SCFD2: variants seen among roughly 807,000 people sequenced by gnomAD.
The protein encoded by SCFD2 is sec1 family domain-containing protein 2.
In SCFD2, 54 loss-of-function variants were observed where a neutral mutation model predicts 58.9. The ratio of observed to expected loss-of-function variants is 0.92; its 90% confidence interval spans 0.74 to 1.15. SCFD2 has a LOEUF of 1.15. Among genes scored for constraint, SCFD2 ranks in the 50% most tolerant of loss-of-function variants. The probability of loss-of-function intolerance (pLI) is 0.00; values close to 1 mark genes in which losing one functional copy is unlikely to be tolerated. For missense variants in SCFD2, 805 were observed against 836.6 expected (o/e 0.96, Z 0.47); for synonymous variants, 321 against 335.9 (o/e 0.96, Z 0.49).
At chr4:52,942,649 G>A (rs999508770) in intron 5 of SCFD2, among the ~76,000 whole-genome samples, 1 of 152,194 alleles carries the variant, frequency 6.6e-6, no homozygotes, top group Admixed American at 6.5e-5. Context: ...CCTTGAAACA[G>A]TGCCTGACAC....
chr4:53,347,877 C>A (rs1469425010), intron 2 of SCFD2, among the ~76,000 whole-genome samples: 2 of 152,192 alleles, frequency 1.3e-5, no homozygotes, highest in Non-Finnish European at 2.9e-5. Context: ...AGCAACACTG[C>A]AGGTGCAGGG....
chr4:53,066,522 A>C (rs1283165920), intron 5 of SCFD2, among the ~76,000 whole-genome samples: 1 of 152,112 alleles, frequency 6.6e-6, no homozygotes, highest in Non-Finnish European at 1.5e-5. Flanking sequence ...GTGAAACAAA[A>C]CATACAAAAA....
intron 5 of SCFD2, among the ~76,000 whole-genome samples, chr4:53,015,389 C>T (rs150738570): frequency 6.6e-6 from 1 of 151,988 alleles, no homozygotes; most frequent in South Asian, 2.1e-4. Context: ...AGCAGCTCTG[C>T]CCTGAAGAAT....
chr4:52,905,013 G>T (rs757619688), intron 7 of SCFD2, among the ~76,000 whole-genome samples: 33 of 152,318 alleles, frequency 2.2e-4, no homozygotes, highest in Non-Finnish European at 4.3e-4. Flanking sequence ...CAGAATGAAT[G>T]GTAAGAACTT....
chr4:53,306,095 T>C (rs560406346), intron 3 of SCFD2, among the ~76,000 whole-genome samples: 35 of 152,300 alleles, frequency 2.3e-4, no homozygotes, highest in African/African-American at 7.5e-4. Flanking sequence ...AATACAATAA[T>C]AGTACAAACA....
intron 5 of SCFD2, among the ~76,000 whole-genome samples, chr4:53,107,446 G>T (rs1725037639): frequency 6.6e-6 from 1 of 152,160 alleles, no homozygotes; most frequent in Non-Finnish European, 1.5e-5. Context: ...TGGATAAAGA[G>T]TCAAGACCCA....
rs1331591601 is a variant in SCFD2 at position 53,207,970 on chromosome 4, T to TC, written c.1312-62389dup. Among the ~76,000 whole-genome samples the TC allele has an allele frequency of 2.5e-3, 362 of 145,008 alleles. 2 individuals carry two copies. Among genetic ancestry groups the TC allele is most frequent in the African/African-American group, 8.6e-3 (347 of 40,208 alleles). The stretch of plus-strand genomic sequence containing the variant: ...CTTTCTTTTCTTTTCTTTTTTTTTT[T>TC]CCCCCCATACAAAGTCTAGCTCTAT... On this transcript the variant is annotated intron_variant, in intron 4 of 8. Transcript: ENST00000401642.
At chr4:52,944,762 T>A (rs1013995450) in intron 5 of SCFD2, among the ~76,000 whole-genome samples, 1 of 152,170 alleles carries the variant, frequency 6.6e-6, no homozygotes, top group African/African-American at 2.4e-5. Flanking sequence ...ATCAGAGACA[T>A]CCCTCTGAGG....
chr4:53,068,825 G>A (rs1372263711), intron 5 of SCFD2, among the ~76,000 whole-genome samples: 1 of 152,008 alleles, frequency 6.6e-6, no homozygotes, highest in Admixed American at 6.6e-5. Flanking sequence ...TTAAAAAACA[G>A]TACTTTGTAG....
At chr4:53,125,287 T>C (rs1394683777) in intron 5 of SCFD2, among the ~76,000 whole-genome samples, 1 of 152,200 alleles carries the variant, frequency 6.6e-6, no homozygotes, top group Non-Finnish European at 1.5e-5. Flanking sequence ...ATAGAGATGG[T>C]CTAAAATTAT....
chr4:53,257,461 T>G (rs1370800666), intron 4 of SCFD2, among the ~76,000 whole-genome samples: 1 of 152,188 alleles, frequency 6.6e-6, no homozygotes, highest in African/African-American at 2.4e-5. Flanking sequence ...AGCCACTTCT[T>G]ATTCCATCAT....
At chr4:53,223,133 T>C (rs565793538) in intron 4 of SCFD2, among the ~76,000 whole-genome samples, 20 of 152,312 alleles carry the variant, frequency 1.3e-4, no homozygotes, top group African/African-American at 4.1e-4. Context: ...ATATAAATCA[T>C]TTTATTTTTA....
At chr4:53,121,836 A>G (rs1375129224) in intron 5 of SCFD2, among the ~76,000 whole-genome samples, 2 of 151,904 alleles carry the variant, frequency 1.3e-5, no homozygotes, top group African/African-American at 4.8e-5. Context: ...TGACTGGTAC[A>G]ATGATTATAG....
At chr4:52,898,978 C>T (rs1577809319) in intron 7 of SCFD2, among the ~76,000 whole-genome samples, 1 of 152,060 alleles carries the variant, frequency 6.6e-6, no homozygotes, top group Non-Finnish European at 1.5e-5. Context: ...CAACCCTTGC[C>T]TTTTTTTGTT....
chr4:52,888,592 C>T (rs1481982683), intron 7 of SCFD2, among the ~76,000 whole-genome samples: 3 of 152,198 alleles, frequency 2.0e-5, no homozygotes, highest in Non-Finnish European at 4.4e-5. Context: ...ATCATCTAAC[C>T]TGACATTTCT....
chr4:52,966,878 T>A (rs1367051455), intron 5 of SCFD2, among the ~76,000 whole-genome samples: 1 of 152,188 alleles, frequency 6.6e-6, no homozygotes, highest in Admixed American at 6.5e-5. Flanking sequence ...TTGTAGCCAT[T>A]TTAAGTGTAC....
chr4:53,127,903 T>C (rs1225682659), intron 5 of SCFD2, among the ~76,000 whole-genome samples: 2 of 151,440 alleles, frequency 1.3e-5, no homozygotes, highest in Admixed American at 1.3e-4. Context: ...TAACCATTTC[T>C]AGCTCCTCTC....
At chr4:52,952,060 C>T (rs1297106066) in intron 5 of SCFD2, among the ~76,000 whole-genome samples, 1 of 152,168 alleles carries the variant, frequency 6.6e-6, no homozygotes, top group Non-Finnish European at 1.5e-5. Flanking sequence ...TATCTGTACA[C>T]GGAGACAGTA....
chr4:53,356,686 A>G (rs1391511849), intron 1 of SCFD2, among the ~76,000 whole-genome samples: 4 of 151,534 alleles, frequency 2.6e-5, no homozygotes, highest in Admixed American at 2.6e-4. Context: ...TGGCCTCCCA[A>G]AGTGCTGGGG....
Sources: gnomAD v4.1 joint callset for allele counts (sites outside exome capture counted in the v4.1 genomes callset) on GRCh38, gnomAD v4.1.1 for gene constraint, MANE v1.5 for transcripts, NCBI Gene and HGNC (gene_info 2026-07-23, HGNC 2026-07-21) for gene names.